Variants in LIFR observed in about 807,000 individuals in gnomAD.
LIFR encodes the protein LIF receptor subunit alpha.
In LIFR, 84 loss-of-function variants were observed where a neutral mutation model predicts 122.2. The observed-to-expected ratio is 0.69, with a 90% CI of 0.58 to 0.82. LIFR has a LOEUF of 0.82. LIFR is among the 40% of genes least tolerant of loss of function. The probability of loss-of-function intolerance (pLI) is 0.00; values close to 1 mark genes in which losing one functional copy is unlikely to be tolerated. For synonymous variants in LIFR, 422 were observed against 434.7 expected, an observed-to-expected ratio of 0.97 and a Z score of 0.36; for missense variants, 1,294 against 1,311.6, an observed-to-expected ratio of 0.99 and a Z score of 0.21.
intron 13 of LIFR, 118 bp from the exon 14 acceptor site, chr5:38,493,903 G>A: frequency 1.2e-6 from 1 of 809,934 alleles, no homozygotes; most frequent in Admixed American, 2.1e-5. Context: ...ATAAAATAGT[G>A]CTCAAACTAG....
chr5:38,602,918 A>T lies in LIFR; in HGVS notation n.305+3287T>A, dbSNP rs574109323. 1.7e-4 allele frequency among the ~76,000 whole-genome samples: 26 copies of T among 152,288 alleles called. No individual in the cohort carries two copies. In the South Asian group the frequency reaches 5.4e-3, roughly 32 times the overall value. Reference sequence around the variant, plus strand: ...ACAACTTCCTGGGAATACGCATTAAAAGACAAAATGGAGTATGACCTTCCA... The same window carrying T: ...ACAACTTCCTGGGAATACGCATTAATAGACAAAATGGAGTATGACCTTCCA... On this transcript the variant is annotated intron_variant and non_coding_transcript_variant, in intron 2 of 3. Coordinates refer to the LIFR transcript ENST00000507786.
chr5:38,527,069 T>C lies in LIFR; in HGVS notation c.397+86A>G, dbSNP rs1037588909. The C allele has an allele frequency of 7.3e-6, 9 of 1,237,604 alleles. No homozygotes were observed. The Admixed American group carries it at 1.2e-4, about 17-fold the overall frequency. The allele number at this position is 1,237,604 out of a possible 1,614,324, so 76.7% of individuals were successfully genotyped here. A position where few individuals can be genotyped will look rare whatever the true frequency, so the allele number is the denominator to read the frequency against. On this transcript the variant is annotated intron_variant, in intron 4 of 19. Transcript: ENST00000453190. ...GAATTAAAAGTAATAGCATAACACA[T>C]GAAATTCAAAAAACTAGAAAGCACC...
At chr5:38,564,688 A>G (rs1442271563) in intron 1 of LIFR, among the ~76,000 whole-genome samples, 1 of 151,938 alleles carries the variant, frequency 6.6e-6, no homozygotes, top group Middle Eastern at 3.4e-3. Flanking sequence ...AGTGTTATAC[A>G]TATGCATATG....
intron 12 of LIFR, among the ~76,000 whole-genome samples, chr5:38,498,083 G>T (rs1256941774): frequency 6.6e-6 from 1 of 152,046 alleles, no homozygotes; most frequent in Non-Finnish European, 1.5e-5. Flanking sequence ...CCAATGTATG[G>T]GGCTCTCTGG....
intron 1 of LIFR, among the ~76,000 whole-genome samples, chr5:38,549,811 CAA>C (rs1354110417): frequency 6.6e-6 from 1 of 152,140 alleles, no homozygotes; most frequent in Non-Finnish European, 1.5e-5. Context: ...AAAAAACTTA[CAA>C]AAATTATTTT....
chr5:38,566,375 G>T (rs1334036690), intron 1 of LIFR, among the ~76,000 whole-genome samples: 1 of 152,048 alleles, frequency 6.6e-6, no homozygotes, highest in Non-Finnish European at 1.5e-5. Context: ...TTCATTTTAG[G>T]CATTTTCTAT....
At chr5:38,584,324 A>G (rs1005266755) in intron 1 of LIFR, among the ~76,000 whole-genome samples, 1 of 152,134 alleles carries the variant, frequency 6.6e-6, no homozygotes, top group Non-Finnish European at 1.5e-5. Flanking sequence ...GAACTACCAT[A>G]TGACCCAGCA....
chr5:38,551,906 A>G (rs1466903608), intron 1 of LIFR, among the ~76,000 whole-genome samples: 1 of 152,220 alleles, frequency 6.6e-6, no homozygotes, highest in Non-Finnish European at 1.5e-5. Context: ...ACGTAAGACA[A>G]ATTTGCAATT....
At chr5:38,504,667 C>T (rs1745365099) in intron 9 of LIFR, among the ~76,000 whole-genome samples, 1 of 152,142 alleles carries the variant, frequency 6.6e-6, no homozygotes, top group Non-Finnish European at 1.5e-5. Flanking sequence ...CTGCATATTA[C>T]ACTGGTGATA....
At chr5:38,549,912 C>T (rs1398064146) in intron 1 of LIFR, among the ~76,000 whole-genome samples, 1 of 152,002 alleles carries the variant, frequency 6.6e-6, no homozygotes, top group Non-Finnish European at 1.5e-5. Context: ...TTTCAGAGGA[C>T]CTCCCTCCAG....
At chr5:38,546,226 T>A (rs1747886358) in intron 1 of LIFR, among the ~76,000 whole-genome samples, 1 of 152,142 alleles carries the variant, frequency 6.6e-6, no homozygotes, top group African/African-American at 2.4e-5. Context: ...ACTAAAGAAT[T>A]TTTAGCAACA....
chr5:38,555,347 G>C (rs1317815736), intron 1 of LIFR, among the ~76,000 whole-genome samples: 1 of 152,116 alleles, frequency 6.6e-6, no homozygotes, highest in African/African-American at 2.4e-5. Context: ...AAACTCCTTG[G>C]TTTTTCCACT....
chr5:38,490,423 CAT>C (rs1216246312), intron 14 of LIFR, 132 bp from the exon 15 acceptor site: 2 of 457,066 alleles, frequency 4.4e-6, no homozygotes, highest in Non-Finnish European at 7.9e-6. Flanking sequence ...TTAAAAAATA[CAT>C]ATATATTTTA....
At chr5:38,567,533 T>TATTTATTTATTA (rs1749064978) in intron 1 of LIFR, among the ~76,000 whole-genome samples, 1 of 150,284 alleles carries the variant, frequency 6.7e-6, no homozygotes, top group Middle Eastern at 3.5e-3. Context: ...TTTATTTATT[T>TATTTATTTATTA]ATTTATTTAT....
chr5:38,591,849 G>T (rs1265597285), intron 1 of LIFR, among the ~76,000 whole-genome samples: 1 of 152,192 alleles, frequency 6.6e-6, no homozygotes, highest in Non-Finnish European at 1.5e-5. Flanking sequence ...CTAAGACTGT[G>T]TTTGACCTAA....
rs933455736 is a variant in LIFR at position 38,479,852 on chromosome 5, C to G, written c.*1743G>C. 2 of 226,822 alleles carry G rather than the reference C, an allele frequency of 8.8e-6. No homozygotes were observed. The highest frequency in any genetic ancestry group is 2.7e-3 in the Middle Eastern group (2 of 740). The allele number at this position is 226,822 out of a possible 1,614,324, so 14.1% of individuals were successfully genotyped here. A position where few individuals can be genotyped will look rare whatever the true frequency, so the allele number is the denominator to read the frequency against. ...TTTCATTACTGAACATTTCTATGAA[C>G]TATTATATAGTTTTAATATACTATG... On this transcript the variant is annotated 3_prime_UTR_variant, in exon 20 of 20. Coordinates refer to ENST00000453190, the MANE Select transcript of LIFR (RefSeq NM_001127671.2).
At chr5:38,564,420 G>T (rs924350203) in intron 1 of LIFR, among the ~76,000 whole-genome samples, 40 of 44,384 alleles carry the variant, frequency 9.0e-4, no homozygotes, top group Non-Finnish European at 1.5e-3. Context: ...GTCTCATTAT[G>T]TTGCCAGGCT....
chr5:38,517,994 T>C (rs1202818904), intron 5 of LIFR, among the ~76,000 whole-genome samples: 1 of 148,434 alleles, frequency 6.7e-6, no homozygotes, highest in Non-Finnish European at 1.5e-5. Context: ...AGCATGCACC[T>C]GTAGCCCCAG....
chr5:38,499,639 G>T, intron 11 of LIFR, 56 bp from the exon 12 acceptor site: 1 of 1,200,536 alleles, frequency 8.3e-7, no homozygotes, highest in Non-Finnish European at 1.2e-6. Flanking sequence ...TGTATATGGT[G>T]CTTGGCATTT....
Sources: gnomAD v4.1 joint callset for allele counts (sites outside exome capture counted in the v4.1 genomes callset) on GRCh38, gnomAD v4.1.1 for gene constraint, MANE v1.5 for transcripts, NCBI Gene and HGNC (gene_info 2026-07-23, HGNC 2026-07-21) for gene names.